The following HIP1 variants were observed in gnomAD, a reference collection of about 807,000 sequenced individuals.
HIP1 encodes the protein huntingtin interacting protein 1, also known as huntingtin-interacting protein 1.
HIP1 carries 65 observed loss-of-function variants against 147.6 expected under a neutral mutation model. The observed-to-expected ratio is 0.44, with a 90% CI of 0.36 to 0.54. HIP1 has a LOEUF of 0.54. HIP1 is among the 20% of genes least tolerant of loss of function. The pLI is 0.00. For missense variants in HIP1, 1,061 were observed against 1,299.6 expected (o/e 0.82, Z 2.82); for synonymous variants, 479 against 504.0 (o/e 0.95, Z 0.67).
At chr7:75,714,587 G>A (rs972392987) in intron 1 of HIP1, among the ~76,000 whole-genome samples, 4 of 151,340 alleles carry the variant, frequency 2.6e-5, no homozygotes, top group Admixed American at 2.0e-4. Context: ...CGAGTAGCTG[G>A]GATTACAGGG....
chr7:75,592,272 G>C (rs1440241346), intron 3 of HIP1, 100 bp downstream of exon 3: 1 of 1,459,212 alleles, frequency 6.9e-7, no homozygotes, highest in Admixed American at 1.9e-5. Flanking sequence ...CCAGGAGAAG[G>C]GGGCAGTGTG....
chr7:75,578,296 G>A (rs587674138), intron 7 of HIP1, among the ~76,000 whole-genome samples: 38 of 152,302 alleles, frequency 2.5e-4, no homozygotes, highest in Non-Finnish European at 4.1e-4. Flanking sequence ...TGTGTCAGCC[G>A]AACTGCAACT....
In HIP1 at chr7:75,553,465, C is replaced by T; in HGVS notation, c.2283G>A (p.Lys761=). The part of the protein sequence containing the change: ...TAMRNCLSKI[K]AIGEELLPRG... ...CTACTCCAAGTACCTCGCCGATGGC[C>T]TTGATCTTGCTCAGGCAGTTCCTCA... The change falls in exon 22 of 31, where the codon AAG becomes AAA. Residue 761 remains lysine, a synonymous_variant. Coordinates refer to ENST00000336926, the MANE Select transcript of HIP1 (RefSeq NM_005338.7). 1 of 1,614,114 alleles carries T rather than the reference C, an allele frequency of 6.2e-7. No individual in the cohort carries two copies. The highest frequency in any genetic ancestry group is 8.5e-7 in the Non-Finnish European group (1 of 1,180,012).
At chr7:75,554,801 C>T (rs1450072444) in intron 19 of HIP1, among the ~76,000 whole-genome samples, 1 of 152,020 alleles carries the variant, frequency 6.6e-6, no homozygotes. Context: ...CTGGGCCTGG[C>T]GTGGTGTCTC....
chr7:75,576,474 C>G (rs1795849591), intron 7 of HIP1, among the ~76,000 whole-genome samples: 1 of 152,218 alleles, frequency 6.6e-6, no homozygotes, highest in Admixed American at 6.5e-5. Flanking sequence ...GTAATCCCAG[C>G]ACTTTGGGAG....
In HIP1 at chr7:75,562,080, C is replaced by T. The variant is rs1173608902; in HGVS notation, c.1111G>A (p.Asp371Asn). The change falls in exon 12 of 31, where the codon GAT becomes AAT. Residue 371 changes from aspartate (D) to asparagine (N), a missense_variant. By Grantham distance (23) the Asp-to-Asn change is conservative. This residue lies in a region of HIP1 where 810 missense variants were observed against 946.8 expected (regional missense o/e 0.86). Transcript: ENST00000336926. ...AACCCAGCTTGGACTCACTTCTCAT[C>T]CTTGTTCACACCATTTTGACTGTTG... is the stretch of plus-strand genomic sequence containing the variant. Reference protein sequence around the residue: ...NFNSQNGVNKDEKDHLIERLY... With the variant: ...NFNSQNGVNKNEKDHLIERLY... 2 of 1,605,618 alleles carry T rather than the reference C, an allele frequency of 1.2e-6. No individual in the cohort carries two copies. Among genetic ancestry groups the T allele is most frequent in the Non-Finnish European group, 1.7e-6 (2 of 1,172,250 alleles).
At chr7:75,732,354 T>G (rs1328003932) in intron 1 of HIP1, among the ~76,000 whole-genome samples, 2 of 152,082 alleles carry the variant, frequency 1.3e-5, no homozygotes, top group Non-Finnish European at 2.9e-5. Context: ...CGACTTTTTT[T>G]GTTTGTTTCT....
intron 1 of HIP1, among the ~76,000 whole-genome samples, chr7:75,677,990 TACTC>T (rs782369323): frequency 6.6e-6 from 1 of 152,058 alleles, no homozygotes; most frequent in Non-Finnish European, 1.5e-5. Flanking sequence ...CTTACCCCCT[TACTC>T]ACTATTTTTT....
intron 1 of HIP1, among the ~76,000 whole-genome samples, chr7:75,687,449 T>C (rs1197270297): frequency 6.6e-6 from 1 of 152,202 alleles, no homozygotes; most frequent in Non-Finnish European, 1.5e-5. Flanking sequence ...CTCATCACTT[T>C]GGGAGGCCAA....
At position 75,577,332 on chromosome 7, in the gene HIP1, C is replaced by CAAAAAA. The variant is rs61299057; in HGVS notation, c.605-3437_605-3432dup. Among the ~76,000 whole-genome samples, 75 of 96,902 alleles carry CAAAAAA rather than the reference C, an allele frequency of 7.7e-4. 1 individual carries two copies. Among genetic ancestry groups the CAAAAAA allele is most frequent in the African/African-American group, 2.6e-3 (69 of 26,782 alleles). 63.6% of individuals were successfully genotyped at this position (96,902 alleles called of 152,430 possible). The stretch of plus-strand genomic sequence containing the variant: ...CGGCGACAGAGTGAGATCCCATCTC[C>CAAAAAA]AAAAAAAAAAAAACGAGAGAGAGAG... On this transcript the variant is annotated intron_variant, in intron 7 of 30. Coordinates refer to ENST00000336926, the MANE Select transcript of HIP1 (RefSeq NM_005338.7).
chr7:75,547,138 A>T, intron 24 of HIP1, 106 bp from the exon 25 acceptor site: 1 of 925,578 alleles, frequency 1.1e-6, no homozygotes, highest in Middle Eastern at 2.1e-4. Flanking sequence ...GGAATGGGAA[A>T]GGGAGGTAAG....
chr7:75,618,003 C>T (rs183233690), intron 1 of HIP1, among the ~76,000 whole-genome samples: 275 of 152,346 alleles, frequency 1.8e-3, no homozygotes, highest in African/African-American at 6.2e-3. Flanking sequence ...ATGGCCCTGG[C>T]CAGAGCTCCC....
chr7:75,685,921 A>C (rs782770572), intron 1 of HIP1, among the ~76,000 whole-genome samples: 2 of 150,280 alleles, frequency 1.3e-5, no homozygotes, highest in Non-Finnish European at 3.0e-5. Flanking sequence ...CTGTTTTGAG[A>C]CGGAGTCTCT....
intron 6 of HIP1, among the ~76,000 whole-genome samples, chr7:75,581,644 T>G (rs1329260259): frequency 6.6e-6 from 1 of 152,178 alleles, no homozygotes; most frequent in African/African-American, 2.4e-5. Flanking sequence ...CTGGGTGTGA[T>G]GGCGCATGCC....
intron 5 of HIP1, among the ~76,000 whole-genome samples, chr7:75,585,423 G>A (rs781977778): frequency 2.0e-5 from 3 of 152,052 alleles, no homozygotes; most frequent in Non-Finnish European, 2.9e-5. Flanking sequence ...CGATCCGCCC[G>A]CCTTGGCCTC....
chr7:75,661,231 T>C (rs1799301732), intron 1 of HIP1, among the ~76,000 whole-genome samples: 1 of 151,234 alleles, frequency 6.6e-6, no homozygotes, highest in South Asian at 2.1e-4. Context: ...TGAGCCATCT[T>C]TGCATCACTG....
At chr7:75,648,643 C>T (rs369448416) in intron 1 of HIP1, among the ~76,000 whole-genome samples, 2 of 151,974 alleles carry the variant, frequency 1.3e-5, no homozygotes, top group Non-Finnish European at 2.9e-5. Context: ...CCTAAGCTGC[C>T]GGAAGTCAGG....
intron 7 of HIP1, among the ~76,000 whole-genome samples, chr7:75,579,113 C>T (rs114155114): frequency 0.021 from 3,126 of 151,742 alleles, 113 homozygotes; most frequent in African/African-American, 0.072. Context: ...CCACTGCGCC[C>T]GGCCCCAATG....
chr7:75,733,956 A>T (rs1554523361), intron 1 of HIP1, among the ~76,000 whole-genome samples: 2 of 151,992 alleles, frequency 1.3e-5, no homozygotes, highest in African/African-American at 4.8e-5. Flanking sequence ...TCTACAAAAA[A>T]AATTCTAGGC....
Sources: gnomAD v4.1 joint callset for allele counts (sites outside exome capture counted in the v4.1 genomes callset) on GRCh38, gnomAD v4.1.1 for gene constraint, gnomAD v4.1.1 regional missense constraint, MANE v1.5 for transcripts, NCBI Gene and HGNC (gene_info 2026-07-23, HGNC 2026-07-21) for gene names.